The following ZMYM4 variants were observed in gnomAD, a reference collection of about 807,000 sequenced individuals.
The protein encoded by ZMYM4 is zinc finger MYM-type protein 4.
In ZMYM4, 31 loss-of-function variants were observed where a neutral mutation model predicts 183.2. The ratio of observed to expected loss-of-function variants is 0.17; its 90% CI spans 0.13 to 0.23. The LOEUF (loss-of-function observed/expected upper bound fraction) is 0.23. ZMYM4 is among the 10% of genes least tolerant of loss of function. The pLI, the probability that ZMYM4 is intolerant of heterozygous loss-of-function variation, is 1.00. For missense variants in ZMYM4, 1,273 were observed against 1,840.3 expected, an observed-to-expected ratio of 0.69 and a Z score of 5.64; for synonymous variants, 592 against 631.2, an observed-to-expected ratio of 0.94 and a Z score of 0.93.
chr1:35,300,080 C>T (rs928235063), intron 1 of ZMYM4, among the ~76,000 whole-genome samples: 1 of 152,156 alleles, frequency 6.6e-6, no homozygotes, highest in Non-Finnish European at 1.5e-5. Flanking sequence ...CAGGCATGAG[C>T]CACTATGCCC....
At chr1:35,269,146 T>G in intron 1 of ZMYM4, 61 bp downstream of exon 1, 2 of 1,538,388 alleles carry the variant, frequency 1.3e-6, no homozygotes, top group South Asian at 2.4e-5. Context: ...GGGCCGGGAA[T>G]GGGCCATACT....
chr1:35,387,120 G>T lies in ZMYM4; in HGVS notation c.1954G>T (p.Ala652Ser). ...GTCAGCCGGAGGAGGTAGCACATCTGCTGTTTCTCCCACCTCCATCAGTAG... is the reference window on the plus strand; with the variant it reads ...GTCAGCCGGAGGAGGTAGCACATCTTCTGTTTCTCCCACCTCCATCAGTAG... ...TVSAGGGSTS[A>S]VSPTSISSSA... Residue 652 changes from alanine to serine, a missense_variant, in exon 12 of 30, where the codon GCT becomes TCT. Ala to Ser is a moderately conservative substitution (Grantham distance 99). Transcript: ENST00000314607. The T allele has an allele frequency of 6.2e-7, 1 of 1,614,238 alleles. No homozygotes were observed. Among genetic ancestry groups the T allele is most frequent in the South Asian group, 1.1e-5 (1 of 91,082 alleles).
intron 1 of ZMYM4, among the ~76,000 whole-genome samples, chr1:35,293,865 A>G (rs1221897415): frequency 2.0e-5 from 3 of 152,116 alleles, no homozygotes; most frequent in Admixed American, 2.0e-4. Context: ...ATTATTTAAG[A>G]ATCAGGCCAG....
intron 1 of ZMYM4, among the ~76,000 whole-genome samples, chr1:35,276,669 G>T (rs146809079): frequency 6.6e-6 from 1 of 151,748 alleles, no homozygotes; most frequent in African/African-American, 2.4e-5. Flanking sequence ...GTGCAGTGGC[G>T]TGATCTTGGC....
At chr1:35,340,158 A>G (rs1385399258) in intron 2 of ZMYM4, among the ~76,000 whole-genome samples, 2 of 152,158 alleles carry the variant, frequency 1.3e-5, no homozygotes, top group Admixed American at 6.5e-5. Flanking sequence ...TTTAATTATC[A>G]TGAATGTGTA....
chr1:35,277,904 T>C (rs1161453674), intron 1 of ZMYM4, among the ~76,000 whole-genome samples: 3 of 152,172 alleles, frequency 2.0e-5, no homozygotes, highest in African/African-American at 7.2e-5. Context: ...ATAGTCATTA[T>C]TTTTGGTGTT....
At chr1:35,338,172 AC>A (rs1030144926) in intron 2 of ZMYM4, among the ~76,000 whole-genome samples, 1 of 152,092 alleles carries the variant, frequency 6.6e-6, no homozygotes, top group African/African-American at 2.4e-5. Context: ...TAGTTTACCT[AC>A]CCCTGCTGTA....
chr1:35,361,775 C>G lies in ZMYM4; in HGVS notation c.826C>G (p.Pro276Ala). 1 of 1,604,990 alleles carries G rather than the reference C, an allele frequency of 6.2e-7. No homozygotes were observed. ...ACTACTAGACAAAATAAAAGATGAA[C>G]CTGACAATGCTCAAGTAAACATTTC... is the stretch of plus-strand genomic sequence containing the variant. Reference protein sequence around the residue: ...QGLLDKIKDEPDNAQEYSHGQ... With the variant: ...QGLLDKIKDEADNAQEYSHGQ... Residue 276 changes from proline (P) to alanine (A), a missense_variant, in exon 5 of 30, where the codon CCT (proline) becomes GCT (alanine). Around this residue, in one of 6 missense-constraint regions of ZMYM4, gnomAD observed 384 missense variants for 465.6 expected, o/e 0.82. Coordinates refer to ENST00000314607, the MANE Select transcript of ZMYM4 (RefSeq NM_005095.3).
intron 26 of ZMYM4, among the ~76,000 whole-genome samples, chr1:35,411,594 C>T (rs572261017): frequency 6.6e-6 from 1 of 152,136 alleles, no homozygotes; most frequent in Non-Finnish European, 1.5e-5. Flanking sequence ...CTTTGAAATT[C>T]TATGTCAATT....
chr1:35,354,606 A>G (rs1034566749), intron 2 of ZMYM4, among the ~76,000 whole-genome samples: 1 of 151,944 alleles, frequency 6.6e-6, no homozygotes, highest in African/African-American at 2.4e-5. Context: ...AGGTGCCTGT[A>G]ATCCCAGCTA....
chr1:35,318,869 A>G (rs1484687107), intron 1 of ZMYM4, among the ~76,000 whole-genome samples: 1 of 152,160 alleles, frequency 6.6e-6, no homozygotes, highest in Non-Finnish European at 1.5e-5. Flanking sequence ...TTCCCTACAC[A>G]TTTAAACTGA....
chr1:35,375,879 C>T (rs1644323945), intron 7 of ZMYM4, among the ~76,000 whole-genome samples: 2 of 152,022 alleles, frequency 1.3e-5, no homozygotes, highest in Admixed American at 6.6e-5. Flanking sequence ...ATTTCGAGAC[C>T]AGCCTGGGCA....
chr1:35,373,544 ATTTTTTT>A (rs202022428), intron 7 of ZMYM4, among the ~76,000 whole-genome samples: 214 of 122,818 alleles, frequency 1.7e-3, no homozygotes, highest in South Asian at 3.1e-3. Flanking sequence ...TGCACAGCTA[ATTTTTTT>A]TTTTTTTTTT....
At position 35,392,197 on chromosome 1, in the gene ZMYM4, G is replaced by T; in HGVS notation, c.2588-15G>T. On this transcript the variant is annotated splice_polypyrimidine_tract_variant and intron_variant, in intron 15 of 29. Coordinates refer to ENST00000314607, the MANE Select transcript of ZMYM4 (RefSeq NM_005095.3). ...AATCACGTGAGGTTTCCTTATTTTT[G>T]TTTATTTTAATCAGCAAATATTTCC... 6.2e-7 allele frequency: 1 copy of T among 1,612,502 alleles called. No individual in the cohort carries two copies. Among genetic ancestry groups the T allele is most frequent in the Non-Finnish European group, 8.5e-7 (1 of 1,179,900 alleles).
intron 2 of ZMYM4, among the ~76,000 whole-genome samples, chr1:35,354,727 T>TAAAAAAAAAAA (rs57493035): frequency 8.3e-5 from 7 of 84,036 alleles, no homozygotes; most frequent in African/African-American, 4.1e-4. Context: ...ACTTTGTCTT[T>TAAAAAAAAAAA]AAAAAAAAAA....
intron 1 of ZMYM4, among the ~76,000 whole-genome samples, chr1:35,322,396 C>A (rs926800768): frequency 6.6e-6 from 1 of 151,908 alleles, no homozygotes; most frequent in East Asian, 1.9e-4. Context: ...GGTTAAAAGA[C>A]TTTTCTATCT....
At chr1:35,373,253 TAC>T (rs1040510302) in intron 7 of ZMYM4, among the ~76,000 whole-genome samples, 2 of 150,166 alleles carry the variant, frequency 1.3e-5, no homozygotes, top group Admixed American at 6.6e-5. Context: ...TATATATATA[TAC>T]ACACACACCC....
At chr1:35,392,178 G>A (rs775306464) in intron 15 of ZMYM4, 34 bp from the exon 16 acceptor site, 27 of 1,613,580 alleles carry the variant, frequency 1.7e-5, no homozygotes, top group Middle Eastern at 3.3e-4. Context: ...TATAAATCAC[G>A]TGAGGTTTCC....
rs1441819009 is a variant in ZMYM4, at chr1:35,421,136, T to C, written c.*1459T>C. The C allele has an allele frequency of 3.3e-5, 5 of 152,624 alleles. No individual in the cohort carries two copies. The highest frequency in any genetic ancestry group is 7.3e-5 in the Non-Finnish European group (5 of 68,032). 9.5% of individuals were successfully genotyped at this position (152,624 alleles called of 1,614,324 possible). A position where few individuals can be genotyped will look rare whatever the true frequency, so the allele number is the denominator to read the frequency against. On this transcript the variant is annotated 3_prime_UTR_variant, in exon 30 of 30. Coordinates refer to ENST00000314607, the MANE Select transcript of ZMYM4 (RefSeq NM_005095.3). ...TTTAATCTTGAAAGACTTTTCAGGG[T>C]ATCTCATTTTTTAGGTGGGGGTGGC...
Sources: gnomAD v4.1 joint callset for allele counts (sites outside exome capture counted in the v4.1 genomes callset) on GRCh38, gnomAD v4.1.1 for gene constraint, gnomAD v4.1.1 regional missense constraint, MANE v1.5 for transcripts, NCBI Gene and HGNC (gene_info 2026-07-23, HGNC 2026-07-21) for gene names.